The following PPP1R18 variants were observed in gnomAD, a reference collection of about 807,000 sequenced individuals.
The protein encoded by PPP1R18 is phostensin.
PPP1R18 carries 31 observed loss-of-function variants against 54.8 expected under a neutral mutation model. That is an observed-to-expected ratio of 0.57 (90% CI 0.43 to 0.76). The LOEUF (loss-of-function observed/expected upper bound fraction) is 0.76, where lower values mean the gene tolerates loss of function less well. PPP1R18 is among the 30% of genes least tolerant of loss of function. PPP1R18 has a pLI of 0.00. For missense variants in PPP1R18, 685 were observed against 776.1 expected, an observed-to-expected ratio of 0.88 and a Z score of 1.39; for synonymous variants, 310 against 320.2, an observed-to-expected ratio of 0.97 and a Z score of 0.34.
chr6:30,685,131 G>A lies in PPP1R18; in HGVS notation c.888C>T (p.Ser296=), dbSNP rs748686183. 1.4e-5 allele frequency: 22 copies of A among 1,612,904 alleles called. No individual in the cohort carries two copies. The highest frequency in any genetic ancestry group is 3.3e-5 in the South Asian group (3 of 91,084). Residue 296 remains serine (S), a synonymous_variant, in exon 1 of 3, where the codon TCC becomes TCT. Transcript: ENST00000274853. This position sits in a 1 kb window ranked among gnomAD's most constrained non-coding sequence, Gnocchi z 5.0. ...GVAPKETAEL[S]ETLTREAQGN... ...CTTGGGCCTCCCTTGTCAGGGTCTC[G>A]GACAGCTCTGCAGTCTCTTTTGGAG...
Position 30,686,052 on chromosome 6 carries a change from G to A in PPP1R18, c.-34C>T. 6.6e-7 allele frequency: 1 copy of A among 1,519,550 alleles called. No homozygotes were observed. Among genetic ancestry groups the A allele is most frequent in the East Asian group, 2.3e-5 (1 of 44,236 alleles). 94.1% of individuals were successfully genotyped at this position (1,519,550 alleles called of 1,614,324 possible). A position where few individuals can be genotyped will look rare whatever the true frequency, so the allele number is the denominator to read the frequency against. The stretch of plus-strand genomic sequence containing the variant: ...TGAGGTGAGGGTAGGGAGCACTGGG[G>A]ACAGAGAACAGGAAGGAGAGGCTCC... On this transcript the variant is annotated 5_prime_UTR_variant, in exon 1 of 3. Transcript: ENST00000274853.
chr6:30,683,944 A>C lies in PPP1R18; in HGVS notation c.1611+464T>G, dbSNP rs1379834047. Among the ~76,000 whole-genome samples the C allele has an allele frequency of 6.6e-6, 1 of 151,882 alleles. No homozygotes were observed. The highest frequency in any genetic ancestry group is 1.5e-5 in the Non-Finnish European group (1 of 67,940). On this transcript the variant is annotated intron_variant, in intron 1 of 2. Coordinates refer to ENST00000274853, the MANE Select transcript of PPP1R18 (RefSeq NM_133471.4). The surrounding 1 kb of genome is among the most constrained non-coding windows in gnomAD (Gnocchi z 5.1). Reference sequence around the variant, plus strand: ...TCCCTGCAGTTTCTCCCTAGAACACAAACCCACCCCACCCCCTCCACCACC... The same window carrying C: ...TCCCTGCAGTTTCTCCCTAGAACACCAACCCACCCCACCCCCTCCACCACC...
At chr6:30,678,359 A>G (rs1250919665) in intron 2 of PPP1R18, among the ~76,000 whole-genome samples, 2 of 149,360 alleles carry the variant, frequency 1.3e-5, no homozygotes, top group Non-Finnish European at 3.0e-5. Context: ...ACAGCTGCGC[A>G]CTGCCACACC....
In PPP1R18 at chr6:30,677,064, C is replaced by T; in HGVS notation, c.*205G>A. ...CTAGGATGCACCAGCACGTTTAACC[C>T]CACCCACACCAGGGACTTTGGATTA... On this transcript the variant is annotated 3_prime_UTR_variant, in exon 3 of 3. Transcript: ENST00000274853. 1 of 703,666 alleles carries T rather than the reference C, an allele frequency of 1.4e-6. No homozygotes were observed. The allele number at this position is 703,666 out of a possible 1,614,324, so 43.6% of individuals were successfully genotyped here.
chr6:30,684,279 TG>T lies in PPP1R18; in HGVS notation c.1611+128del. The stretch of plus-strand genomic sequence containing the variant: ...GGTGTATGTGCAGAGCGAGGAAGGG[TG>T]GTGGCAGGAATTAACAAGAAAGAAT... On this transcript the variant is annotated intron_variant, in intron 1 of 2. Transcript: ENST00000274853. This position sits in a 1 kb window ranked among gnomAD's most constrained non-coding sequence, Gnocchi z 6.0. 1 of 881,252 alleles carries T rather than the reference TG, an allele frequency of 1.1e-6. No individual in the cohort carries two copies. The highest frequency in any genetic ancestry group is 1.6e-6 in the Non-Finnish European group (1 of 606,078). The allele number at this position is 881,252 out of a possible 1,614,324, so 54.6% of individuals were successfully genotyped here.
In PPP1R18 at chr6:30,684,733, G is replaced by A. The variant is rs1243964742; in HGVS notation, c.1286C>T (p.Ala429Val). The A allele has an allele frequency of 1.9e-6, 3 of 1,549,350 alleles. No individual in the cohort carries two copies. Among genetic ancestry groups the A allele is most frequent in the South Asian group, 2.5e-5 (2 of 81,014 alleles). The change falls in exon 1 of 3, where the codon GCC (alanine) becomes GTC (valine). Residue 429 changes from alanine (A) to valine (V), a missense_variant. Transcript: ENST00000274853. The surrounding 1 kb of genome is among the most constrained non-coding windows in gnomAD (Gnocchi z 6.0). Reference protein sequence around the residue: ...EAVELQPPPPAPLSPPPPAPT... With the variant: ...EAVELQPPPPVPLSPPPPAPT... The stretch of plus-strand genomic sequence containing the variant: ...GGCTGGGGGTGGGGGAGACAGAGGG[G>A]CTGGTGGTGGGGGCTGGAGCTCCAC...
chr6:30,677,254 T>C lies in PPP1R18; in HGVS notation c.*15A>G. The C allele has an allele frequency of 6.2e-7, 1 of 1,602,622 alleles. No homozygotes were observed. Among genetic ancestry groups the C allele is most frequent in the Non-Finnish European group, 8.5e-7 (1 of 1,174,610 alleles). On this transcript the variant is annotated 3_prime_UTR_variant, in exon 3 of 3. Coordinates refer to ENST00000274853, the MANE Select transcript of PPP1R18 (RefSeq NM_133471.4). ...TATAAGAAGGAGGGAGGTATATCCC[T>C]ATGTTGGAAGATGGTCACCGCCGGC... is the stretch of plus-strand genomic sequence containing the variant.
rs1173504719 is a variant in PPP1R18 at position 30,677,021 on chromosome 6, C to T, written c.*248G>A. ...TTCTGTGCCCCTTCTCAGGACTTGGCGCTCACTCTTGGATGACCTAGGATG... is the reference window on the plus strand; with the variant it reads ...TTCTGTGCCCCTTCTCAGGACTTGGTGCTCACTCTTGGATGACCTAGGATG... On this transcript the variant is annotated 3_prime_UTR_variant, in exon 3 of 3. Coordinates refer to ENST00000274853, the MANE Select transcript of PPP1R18 (RefSeq NM_133471.4). 6.1e-6 allele frequency: 4 copies of T among 651,846 alleles called. No homozygotes were observed. Among genetic ancestry groups the T allele is most frequent in the African/African-American group, 1.8e-5 (1 of 54,552 alleles). The allele number at this position is 651,846 out of a possible 1,614,324, so 40.4% of individuals were successfully genotyped here.
intron 2 of PPP1R18, among the ~76,000 whole-genome samples, chr6:30,678,458 C>T (rs2127605098): frequency 6.6e-6 from 1 of 151,738 alleles, no homozygotes; most frequent in South Asian, 2.1e-4. Flanking sequence ...TCACTGCAAG[C>T]TCCGCCTCCC....
intron 2 of PPP1R18, 33 bp downstream of exon 2, chr6:30,679,146 G>T: frequency 6.3e-7 from 1 of 1,579,184 alleles, no homozygotes; most frequent in Non-Finnish European, 8.6e-7. Flanking sequence ...TGACAGCAGG[G>T]GGCGCCCTCG....
rs1009274532 is a variant in PPP1R18, at chr6:30,677,174, G to T, written c.*95C>A. On this transcript the variant is annotated 3_prime_UTR_variant, in exon 3 of 3. Transcript: ENST00000274853. ...AGATGTTGGTTGCCCTTCCCTGCCA[G>T]GCTCATTATCAGGGTCTGTCTGCCC... 2 of 1,205,720 alleles carry T rather than the reference G, an allele frequency of 1.7e-6. No homozygotes were observed. Among genetic ancestry groups the T allele is most frequent in the Non-Finnish European group, 1.2e-6 (1 of 808,808 alleles). The allele number at this position is 1,205,720 out of a possible 1,614,324, so 74.7% of individuals were successfully genotyped here.
rs755337750 is a variant in PPP1R18 at position 30,685,918 on chromosome 6, G to A, written c.101C>T (p.Ser34Phe). Residue 34 changes from serine to phenylalanine, a missense_variant, in exon 1 of 3, where the codon TCC becomes TTC. Coordinates refer to ENST00000274853, the MANE Select transcript of PPP1R18 (RefSeq NM_133471.4). This position sits in a 1 kb window ranked among gnomAD's most constrained non-coding sequence, Gnocchi z 5.0. ...CCCTCGTTTCCAGGCTGGCATCTGG[G>A]ACAGGCGCTCCCGTTCTGCTTTCTC... ...GREKAERERL[S>F]QMPAWKRGLL... The A allele has an allele frequency of 1.7e-5, 27 of 1,609,278 alleles. No homozygotes were observed. Among genetic ancestry groups the A allele is most frequent in the Non-Finnish European group, 2.2e-5 (26 of 1,180,028 alleles).
chr6:30,685,406 T>G lies in PPP1R18; in HGVS notation c.613A>C (p.Arg205=), dbSNP rs746382221. The change falls in exon 1 of 3, where the codon AGA becomes CGA. Residue 205 remains arginine, a synonymous_variant. Transcript: ENST00000274853. This position sits in a 1 kb window ranked among gnomAD's most constrained non-coding sequence, Gnocchi z 5.0. ...CTTTGCTCTCGAGACTCTGCTAGTCTCAGACTCCGCTCTGGAGTTTCTCCA... is the reference window on the plus strand; with the variant it reads ...CTTTGCTCTCGAGACTCTGCTAGTCGCAGACTCCGCTCTGGAGTTTCTCCA... The part of the protein sequence containing the change: ...SPGETPERSL[R]LAESREQSPR... 1 of 1,613,060 alleles carries G rather than the reference T, an allele frequency of 6.2e-7. No homozygotes were observed. The highest frequency in any genetic ancestry group is 8.5e-7 in the Non-Finnish European group (1 of 1,180,022).
intron 1 of PPP1R18, 41 bp from the exon 2 acceptor site, chr6:30,679,430 A>T: frequency 1.4e-6 from 1 of 730,234 alleles, no homozygotes; most frequent in Non-Finnish European, 1.9e-6. Flanking sequence ...CAAGGTCAGC[A>T]GGGGAGAAGC....
At position 30,680,070 on chromosome 6, in the gene PPP1R18, G is replaced by A. The variant is rs1346324171; in HGVS notation, c.1612-681C>T. ...CCAAGAGACTCCAGCAACACACAGG[G>A]GAAAGATGAGCCGCTGACACCCTGA... On this transcript the variant is annotated intron_variant, in intron 1 of 2. Transcript: ENST00000274853. 3.9e-5 allele frequency among the ~76,000 whole-genome samples: 6 copies of A among 152,162 alleles called. No individual in the cohort carries two copies. In the East Asian group the frequency reaches 1.2e-3, roughly 29 times the overall value.
At chr6:30,679,558 C>A (rs1770420189) in intron 1 of PPP1R18, among the ~76,000 whole-genome samples, 169 bp from the exon 2 acceptor site, 1 of 151,962 alleles carries the variant, frequency 6.6e-6, no homozygotes, top group African/African-American at 2.4e-5. Flanking sequence ...TCACTCTCCC[C>A]ATCCACTCTG....
chr6:30,679,087 T>C (rs1770371664), intron 2 of PPP1R18, 92 bp downstream of exon 2: 1 of 1,027,896 alleles, frequency 9.7e-7, no homozygotes, highest in Non-Finnish European at 1.4e-6. Flanking sequence ...CCCTTCCGAG[T>C]GCCTACATGT....
upstream of PPP1R18, chr6:30,687,570 G>C (rs1771074867): frequency 6.6e-6 from 1 of 152,384 alleles, no homozygotes; most frequent in Non-Finnish European, 1.5e-5. The surrounding 1 kb of genome is among the most constrained non-coding windows in gnomAD (Gnocchi z 7.9). Flanking sequence ...GGGAGGAAGC[G>C]GCAGCTGCTC....
In PPP1R18 at chr6:30,685,856, G is replaced by C. The variant is rs747243737; in HGVS notation, c.163C>G (p.Pro55Ala). The C allele has an allele frequency of 8.1e-6, 13 of 1,612,442 alleles. No individual in the cohort carries two copies. Among genetic ancestry groups the C allele is most frequent in the Non-Finnish European group, 1.1e-5 (13 of 1,180,022 alleles). The change falls in exon 1 of 3, where the codon CCT (proline) becomes GCT (alanine). Residue 55 changes from proline (P) to alanine (A), a missense_variant. By Grantham distance (27) the Pro-to-Ala change is conservative. Coordinates refer to ENST00000274853, the MANE Select transcript of PPP1R18 (RefSeq NM_133471.4). This position sits in a 1 kb window ranked among gnomAD's most constrained non-coding sequence, Gnocchi z 5.0. Reference protein sequence around the residue: ...ERRRAKLGLSPGEPSPVLGTV... With the variant: ...ERRRAKLGLSAGEPSPVLGTV... ...CCTAGCACAGGGCTAGGCTCCCCAG[G>C]GGACAGCCCAAGCTTGGCCCGGCGG... is the stretch of plus-strand genomic sequence containing the variant.
Sources: allele counts gnomAD v4.1 joint callset (sites outside exome capture counted in the v4.1 genomes callset), GRCh38; gene constraint gnomAD v4.1.1; non-coding constraint Gnocchi (gnomAD v3.1); transcripts MANE v1.5; gene names NCBI Gene and HGNC (gene_info 2026-07-23, HGNC 2026-07-21).